URB1: variants seen among roughly 807,000 people sequenced by gnomAD.
URB1 encodes the protein nucleolar pre-ribosomal-associated protein 1.
URB1 carries 197 observed loss-of-function variants against 242.3 expected under a neutral mutation model. That is an observed-to-expected ratio of 0.81 (90% CI 0.72 to 0.91). The LOEUF (loss-of-function observed/expected upper bound fraction) is 0.91, where lower values mean the gene tolerates loss of function less well. URB1 is among the 40% of genes least tolerant of loss of function. The probability of loss-of-function intolerance (pLI) is 0.00; values close to 1 mark genes in which losing one functional copy is unlikely to be tolerated. For synonymous variants in URB1, 1,153 were observed against 1,201.8 expected (o/e 0.96, Z 0.84); for missense variants, 2,721 against 2,860.5 (o/e 0.95, Z 1.11).
rs1289827918 is a variant in URB1 at position 32,317,906 on chromosome 21, G to T, written c.5804C>A (p.Ala1935Asp). ...GAAGAAGTTGGTCAGCTGGACGGGG[G>T]CCAAGGTGGGCCTGTTTGGGAGTCA... The part of the protein sequence containing the change: ...VLMKHLRPTL[A>D]PVQLTNFFGT... The change falls in exon 37 of 39, where the codon GCC becomes GAC. Residue 1935 changes from alanine (A) to aspartate (D), a missense_variant. By Grantham distance (126) the Ala-to-Asp change is moderately radical. Transcript: ENST00000382751. 6.4e-7 allele frequency: 1 copy of T among 1,551,680 alleles called. No individual in the cohort carries two copies.
At chr21:32,324,305 C>T (rs1400744484) in intron 32 of URB1, among the ~76,000 whole-genome samples, 186 bp downstream of exon 32, 1 of 152,224 alleles carries the variant, frequency 6.6e-6, no homozygotes, top group Non-Finnish European at 1.5e-5. Flanking sequence ...TCCTCATAGC[C>T]ATCACCTATT....
At position 32,383,523 on chromosome 21, in the gene URB1, C is replaced by G. The variant is rs896609209; in HGVS notation, c.466G>C (p.Ala156Pro). ...GCTTCCGGACCCTGGGTCACCATGG[C>G]GGTCATCAGGCTCAGGCAGGCGCGA... ...LARACLSLMT[A>P]MVTQGPEAAR... is the part of the protein sequence containing the mutation. Residue 156 changes from alanine to proline, a missense_variant, in exon 4 of 39, where the codon GCC (alanine) becomes CCC (proline). By Grantham distance (27) the Ala-to-Pro change is conservative. Transcript: ENST00000382751. 1.3e-6 allele frequency: 2 copies of G among 1,551,414 alleles called. No homozygotes were observed. The highest frequency in any genetic ancestry group is 1.7e-6 in the Non-Finnish European group (2 of 1,146,978).
At chr21:32,336,116 C>T (rs2032956038) in intron 28 of URB1, among the ~76,000 whole-genome samples, 2 of 152,138 alleles carry the variant, frequency 1.3e-5, no homozygotes, top group African/African-American at 4.8e-5. Context: ...CCAGCTCCGA[C>T]GTCAAAAGAG....
chr21:32,329,248 AGAGT>A (rs1190670459), intron 30 of URB1, among the ~76,000 whole-genome samples: 2 of 152,204 alleles, frequency 1.3e-5, no homozygotes, highest in Non-Finnish European at 2.9e-5. Context: ...CCTAGGTGAC[AGAGT>A]GAGACCCTGA....
At chr21:32,319,696 A>G (rs1421749544) in intron 35 of URB1, among the ~76,000 whole-genome samples, 1 of 152,232 alleles carries the variant, frequency 6.6e-6, no homozygotes, top group Non-Finnish European at 1.5e-5. Context: ...ACAAGACACT[A>G]TAAGCCAGGA....
chr21:32,375,440 C>T lies in URB1; in HGVS notation c.708G>A (p.Arg236=), dbSNP rs1453597087. Residue 236 remains arginine, a synonymous_variant, in exon 6 of 39, where the codon AGG becomes AGA. Transcript: ENST00000382751. ...CIFSSGIKED[R]ISTINILLST... ...ATAATAAAATATTGATGGTAGAGAT[C>T]CTATCTTCCTTTATCCCTGAGCTAA... 6.5e-7 allele frequency: 1 copy of T among 1,540,484 alleles called. No individual in the cohort carries two copies. Among genetic ancestry groups the T allele is most frequent in the African/African-American group, 1.4e-5 (1 of 72,304 alleles).
intron 8 of URB1, among the ~76,000 whole-genome samples, chr21:32,369,975 C>CAAA (rs34377037): frequency 3.4e-5 from 3 of 88,534 alleles, no homozygotes; most frequent in East Asian, 3.3e-4. Context: ...GTCTCCATCT[C>CAAA]AAAAAAAAAA....
chr21:32,318,141 A>AC (rs1242656676), intron 36 of URB1, among the ~76,000 whole-genome samples: 1 of 152,108 alleles, frequency 6.6e-6, no homozygotes, highest in East Asian at 1.9e-4. Context: ...TCTGACCTGC[A>AC]CCCCACAGGC....
At chr21:32,328,087 T>C (rs1601124207) in intron 30 of URB1, among the ~76,000 whole-genome samples, 1 of 152,258 alleles carries the variant, frequency 6.6e-6, no homozygotes, top group African/African-American at 2.4e-5. Context: ...GAAAAGAGCA[T>C]AGTCAGATGA....
intron 16 of URB1, 47 bp downstream of exon 16, chr21:32,355,402 A>G (rs1395835411): frequency 1.3e-6 from 2 of 1,509,032 alleles, no homozygotes; most frequent in African/African-American, 1.4e-5. Flanking sequence ...AGAAGTTAAT[A>G]TAATTATCTC....
intron 1 of URB1, among the ~76,000 whole-genome samples, chr21:32,389,033 C>T (rs956614074): frequency 1.3e-5 from 2 of 149,432 alleles, no homozygotes; most frequent in Non-Finnish European, 3.0e-5. Flanking sequence ...TACATAGACA[C>T]GTATAGCACC....
At chr21:32,357,131 T>C (rs957185652) in intron 15 of URB1, among the ~76,000 whole-genome samples, 3 of 152,060 alleles carry the variant, frequency 2.0e-5, no homozygotes, top group African/African-American at 7.2e-5. Context: ...GATAAGGAAA[T>C]AAATTCCTAT....
chr21:32,350,391 G>A (rs963762173), intron 20 of URB1, among the ~76,000 whole-genome samples: 4 of 152,238 alleles, frequency 2.6e-5, no homozygotes, highest in Admixed American at 2.0e-4. Context: ...GAGCTATGAT[G>A]CGCCACTGCA....
In URB1 at chr21:32,368,468, C is replaced by T. The variant is rs1287545055; in HGVS notation, c.1132G>A (p.Val378Ile). ...PDLLNKYFKE[V>I]TFSFIPRAKS... is the part of the protein sequence containing the mutation. ...GCTCGTGGGATAAAGGAAAACGTTACTTCCTTGAAGTATTTGTTCAGTAAG... is the reference window on the plus strand; with the variant it reads ...GCTCGTGGGATAAAGGAAAACGTTATTTCCTTGAAGTATTTGTTCAGTAAG... Residue 378 changes from valine to isoleucine, a missense_variant, in exon 9 of 39, where the codon GTA becomes ATA. By Grantham distance (29) the Val-to-Ile change is conservative (BLOSUM62 3). Coordinates refer to ENST00000382751, the MANE Select transcript of URB1 (RefSeq NM_014825.3). 6.4e-7 allele frequency: 1 copy of T among 1,551,800 alleles called. No homozygotes were observed. Among genetic ancestry groups the T allele is most frequent in the African/African-American group, 1.4e-5 (1 of 73,148 alleles).
chr21:32,356,629 G>A (rs1472204735), intron 15 of URB1, among the ~76,000 whole-genome samples: 16 of 152,150 alleles, frequency 1.1e-4, no homozygotes. Flanking sequence ...TTCAAATGCA[G>A]ACCTCAAGAC....
chr21:32,324,529 A>G lies in URB1; in HGVS notation c.5195T>C (p.Leu1732Pro). ...CTGCAGGGCTGCTTTGGCAATGAAGAGAGCCAAGGTAAAAGTAAGTCTCAT... is the reference window on the plus strand; with the variant it reads ...CTGCAGGGCTGCTTTGGCAATGAAGGGAGCCAAGGTAAAAGTAAGTCTCAT... ...QDMRLTFTLA[L>P]FIAKAALQIL... The change falls in exon 32 of 39, where the codon CTC becomes CCC. Residue 1732 changes from leucine (L) to proline (P), a missense_variant. Physicochemically the swap from Leu to Pro is moderately conservative, Grantham distance 98 (BLOSUM62 -3). Transcript: ENST00000382751. 6.4e-7 allele frequency: 1 copy of G among 1,551,986 alleles called. No individual in the cohort carries two copies. The highest frequency in any genetic ancestry group is 8.7e-7 in the Non-Finnish European group (1 of 1,147,050).
At position 32,340,422 on chromosome 21, in the gene URB1, C is replaced by T. The variant is rs142978796; in HGVS notation, c.4316+1044G>A. Among the ~76,000 whole-genome samples the T allele has an allele frequency of 2.5e-3, 375 of 152,048 alleles. 1 individual carries two copies. Among genetic ancestry groups the T allele is most frequent in the African/African-American group, 8.6e-3 (356 of 41,466 alleles). ...AGGTCAGGAGTTCGAGACCAGCCTG[C>T]CCAACATGGTGAAACCACGTCTCTA... On this transcript the variant is annotated intron_variant, in intron 25 of 38. Coordinates refer to ENST00000382751, the MANE Select transcript of URB1 (RefSeq NM_014825.3).
intron 9 of URB1, among the ~76,000 whole-genome samples, chr21:32,367,908 A>G (rs755130761): frequency 2.0e-4 from 31 of 152,182 alleles, no homozygotes; most frequent in Non-Finnish European, 4.3e-4. Context: ...ATAAACCTCA[A>G]ATTCAGCTCA....
At chr21:32,343,377 G>T (rs1010863047) in intron 24 of URB1, among the ~76,000 whole-genome samples, 2 of 152,106 alleles carry the variant, frequency 1.3e-5, no homozygotes, top group Non-Finnish European at 2.9e-5. Context: ...GGATGAATCT[G>T]GAAAGCATCA....
Sources: gnomAD v4.1 joint callset for allele counts (sites outside exome capture counted in the v4.1 genomes callset) on GRCh38, gnomAD v4.1.1 for gene constraint, MANE v1.5 for transcripts, NCBI Gene and HGNC (gene_info 2026-07-23, HGNC 2026-07-21) for gene names.